The following TTLL11 variants were observed in gnomAD, a reference collection of about 807,000 sequenced individuals.
The protein encoded by TTLL11 is tubulin tyrosine ligase like 11, also known as tubulin polyglutamylase TTLL11.
Under a neutral mutation model 51.7 loss-of-function variants are expected in TTLL11, and 42 were observed. That is an observed-to-expected ratio of 0.81 (90% CI 0.64 to 1.05). The LOEUF is 1.05. TTLL11 is among the 50% of genes least tolerant of loss of function. TTLL11 has a pLI of 0.00. For synonymous variants in TTLL11, 381 were observed against 383.5 expected (o/e 0.99, Z 0.08); for missense variants, 799 against 940.4 (o/e 0.85, Z 1.97).
intron 7 of TTLL11, among the ~76,000 whole-genome samples, chr9:121,863,506 C>T (rs1344593010): frequency 6.6e-6 from 1 of 152,128 alleles, no homozygotes; most frequent in Non-Finnish European, 1.5e-5. Context: ...AAGTGTCAAA[C>T]CTTTAGCAGG....
At chr9:121,918,140 G>A (rs1840406929) in intron 6 of TTLL11, among the ~76,000 whole-genome samples, 1 of 152,174 alleles carries the variant, frequency 6.6e-6, no homozygotes, top group Non-Finnish European at 1.5e-5. Context: ...TTGCTGAGCT[G>A]CTGGAATTCA....
chr9:121,985,379 A>T (rs1842916802), intron 4 of TTLL11, among the ~76,000 whole-genome samples: 1 of 152,146 alleles, frequency 6.6e-6, no homozygotes, highest in African/African-American at 2.4e-5. Context: ...CAATGGCAGA[A>T]CCTAACCGGG....
chr9:121,859,885 G>A (rs1293523371), intron 8 of TTLL11, among the ~76,000 whole-genome samples: 1 of 152,144 alleles, frequency 6.6e-6, no homozygotes, highest in African/African-American at 2.4e-5. Flanking sequence ...GAGCTCCTCC[G>A]CTGAGTTCCC....
At position 121,956,474 on chromosome 9, in the gene TTLL11, C is replaced by T. The variant is rs78325798; in HGVS notation, c.1481+17535G>A. ...TCACAAGCAATATATGTGACACCTA[C>T]GAGTAGAGTTGTATTAAACTGGGTG... On this transcript the variant is annotated intron_variant, in intron 6 of 8. Transcript: ENST00000321582. Among the ~76,000 whole-genome samples the T allele has an allele frequency of 4.7e-3, 709 of 152,310 alleles. 4 individuals carry two copies. Among genetic ancestry groups the T allele is most frequent in the Middle Eastern group, 0.014 (4 of 294 alleles).
chr9:121,945,284 A>G (rs1841622241), intron 6 of TTLL11, among the ~76,000 whole-genome samples: 1 of 152,250 alleles, frequency 6.6e-6, no homozygotes, highest in South Asian at 2.1e-4. Flanking sequence ...AGGTTTGCTG[A>G]GGTCCCATCA....
intron 6 of TTLL11, among the ~76,000 whole-genome samples, chr9:121,889,628 G>A (rs1425151595): frequency 5.3e-5 from 8 of 152,154 alleles, no homozygotes; most frequent in African/African-American, 1.9e-4. Flanking sequence ...ATGGCTGGGC[G>A]CAGTGGCTCA....
At chr9:122,018,975 C>T (rs1844080573) in intron 3 of TTLL11, among the ~76,000 whole-genome samples, 1 of 152,194 alleles carries the variant, frequency 6.6e-6, no homozygotes, top group Admixed American at 6.5e-5. Flanking sequence ...TTGCCATCTC[C>T]AAGGAGTTAA....
At chr9:121,984,218 T>G (rs1433041024) in intron 4 of TTLL11, among the ~76,000 whole-genome samples, 1 of 152,074 alleles carries the variant, frequency 6.6e-6, no homozygotes, top group East Asian at 1.9e-4. Context: ...CAAACTATAC[T>G]CCTTGGAACA....
chr9:122,025,894 C>T (rs1844318201), intron 3 of TTLL11, among the ~76,000 whole-genome samples: 1 of 152,102 alleles, frequency 6.6e-6, no homozygotes, highest in Admixed American at 6.6e-5. Flanking sequence ...ACCCAAATGT[C>T]CTGCAGCAGG....
intron 6 of TTLL11, among the ~76,000 whole-genome samples, chr9:121,969,192 A>G (rs1292152622): frequency 6.6e-6 from 1 of 152,100 alleles, no homozygotes; most frequent in Admixed American, 6.5e-5. Flanking sequence ...TTTGAACATC[A>G]TTATCCCCAT....
At chr9:121,933,902 T>C (rs891509992) in intron 6 of TTLL11, among the ~76,000 whole-genome samples, 7 of 152,184 alleles carry the variant, frequency 4.6e-5, no homozygotes, top group Non-Finnish European at 8.8e-5. Flanking sequence ...GCTGAAACCA[T>C]GTCAATAAAC....
At chr9:122,004,552 C>A in intron 3 of TTLL11, among the ~76,000 whole-genome samples, 1 of 152,086 alleles carries the variant, frequency 6.6e-6, no homozygotes, top group East Asian at 1.9e-4. Context: ...AGTGTTTCAC[C>A]ATGTTGGTCA....
At chr9:121,826,513 A>ATATATGTGTGTG (rs1564260406) in intron 8 of TTLL11, among the ~76,000 whole-genome samples, 1 of 89,166 alleles carries the variant, frequency 1.1e-5, no homozygotes, top group African/African-American at 5.8e-5. Context: ...ATATATATAT[A>ATATATGTGTGTG]TGTATATATA....
chr9:121,995,327 A>C lies in TTLL11; in HGVS notation c.694-5557T>G, dbSNP rs956546789. 6.6e-6 allele frequency among the ~76,000 whole-genome samples: 1 copy of C among 152,184 alleles called. No individual in the cohort carries two copies. The highest frequency in any genetic ancestry group is 2.4e-5 in the African/African-American group (1 of 41,450). On this transcript the variant is annotated intron_variant, in intron 3 of 8. Coordinates refer to ENST00000321582, the MANE Select transcript of TTLL11 (RefSeq NM_001139442.2). The surrounding 1 kb of genome is among the most constrained non-coding windows in gnomAD (Gnocchi z 4.4). ...GGCGAGGGACATGCATCCACGCATCACCAGGGCACCCAGGAGGAAGATAGT... is the reference window on the plus strand; with the variant it reads ...GGCGAGGGACATGCATCCACGCATCCCCAGGGCACCCAGGAGGAAGATAGT...
At chr9:121,891,459 T>C (rs1160283526) in intron 6 of TTLL11, among the ~76,000 whole-genome samples, 1 of 152,244 alleles carries the variant, frequency 6.6e-6, no homozygotes, top group East Asian at 1.9e-4. Context: ...TAGGAAGATC[T>C]GCTGCCTTTG....
intron 6 of TTLL11, among the ~76,000 whole-genome samples, chr9:121,899,663 C>T (rs1417137502): frequency 6.6e-6 from 1 of 152,060 alleles, no homozygotes; most frequent in East Asian, 1.9e-4. Context: ...CTCAGTCTCC[C>T]AAAGTGCTGA....
chr9:122,015,494 T>C (rs1843934668), intron 3 of TTLL11, among the ~76,000 whole-genome samples: 1 of 152,174 alleles, frequency 6.6e-6, no homozygotes, highest in Admixed American at 6.5e-5. Flanking sequence ...CTTTACTAGT[T>C]ATGCGCCAGA....
At chr9:122,076,696 C>A (rs1845869289) in intron 1 of TTLL11, among the ~76,000 whole-genome samples, 2 of 146,512 alleles carry the variant, frequency 1.4e-5, no homozygotes. Context: ...AGTAAAGTTC[C>A]AAGGAACATA....
chr9:122,065,283 T>C (rs767502090), intron 1 of TTLL11, among the ~76,000 whole-genome samples: 10 of 151,526 alleles, frequency 6.6e-5, no homozygotes, highest in Non-Finnish European at 1.3e-4. Context: ...TTCCTCGAAG[T>C]AATTTAGCCT....
Sources: gnomAD v4.1 joint callset for allele counts (sites outside exome capture counted in the v4.1 genomes callset) on GRCh38, gnomAD v4.1.1 for gene constraint, Gnocchi (gnomAD v3.1) non-coding constraint, MANE v1.5 for transcripts, NCBI Gene and HGNC (gene_info 2026-07-23, HGNC 2026-07-21) for gene names.